TMPRSS6: variants seen among roughly 807,000 people sequenced by gnomAD.
TMPRSS6 encodes transmembrane protease serine 6.
A neutral mutation model predicts 101.5 loss-of-function variants in TMPRSS6; 67 were observed. That is an observed-to-expected ratio of 0.66 (90% CI 0.54 to 0.81). The LOEUF (loss-of-function observed/expected upper bound fraction) is 0.81. Ranked by LOEUF, TMPRSS6 falls within the 30% of genes least tolerant of loss-of-function variation. The pLI is 0.00. For synonymous variants in TMPRSS6, 453 were observed against 464.9 expected, an observed-to-expected ratio of 0.97 and a Z score of 0.33; for missense variants, 1,034 against 1,088.7, an observed-to-expected ratio of 0.95 and a Z score of 0.71.
At position 37,096,670 on chromosome 22, in the gene TMPRSS6, A is replaced by T; in HGVS notation, c.382T>A (p.Ser128Thr). ...CACCCAAAGGAATAGACGGAGCTGG[A>T]GTTGTAGTAAGTTCCCAGGCGGGTG... ...TSTRLGTYYN[S>T]SSVYSFGEGP... is the part of the protein sequence containing the mutation. The change falls in exon 4 of 18, where the codon TCC becomes ACC. Residue 128 changes from serine (S) to threonine (T), a missense_variant. Physicochemically the swap from Ser to Thr is moderately conservative, Grantham distance 58 (BLOSUM62 1). Transcript: ENST00000676104. The T allele has an allele frequency of 6.4e-7, 1 of 1,566,350 alleles. No individual in the cohort carries two copies. The highest frequency in any genetic ancestry group is 1.2e-5 in the South Asian group (1 of 84,860).
At chr22:37,095,805 A>G in intron 5 of TMPRSS6, 101 bp downstream of exon 5, 1 of 1,490,484 alleles carries the variant, frequency 6.7e-7, no homozygotes, top group Non-Finnish European at 9.3e-7. Flanking sequence ...GCCCACCCTG[A>G]CAGCACCCCA....
chr22:37,094,182 G>C (rs1249512831), intron 6 of TMPRSS6, among the ~76,000 whole-genome samples: 1 of 152,024 alleles, frequency 6.6e-6, no homozygotes, highest in East Asian at 1.9e-4. Flanking sequence ...ACTTACTATT[G>C]GTTGTAGATT....
chr22:37,105,029 T>C (rs539379520), intron 1 of TMPRSS6, among the ~76,000 whole-genome samples: 1 of 152,048 alleles, frequency 6.6e-6, no homozygotes, highest in Admixed American at 6.5e-5. Context: ...CTTTGGGCTG[T>C]ATCTTGGGAT....
intron 10 of TMPRSS6, among the ~76,000 whole-genome samples, chr22:37,078,973 A>AAAAGAAAAAG (rs1555888511): frequency 1.9e-5 from 2 of 106,590 alleles, no homozygotes; most frequent in Admixed American, 9.8e-5. Context: ...GAAAGAAAGA[A>AAAAGAAAAAG]AAAGAAAGAA....
At chr22:37,067,513 T>G (rs1568993927) in intron 16 of TMPRSS6, among the ~76,000 whole-genome samples, 1 of 151,940 alleles carries the variant, frequency 6.6e-6, no homozygotes, top group Non-Finnish European at 1.5e-5. Flanking sequence ...TGTGGATGAG[T>G]GTCTTCCTCC....
chr22:37,084,779 G>A lies in TMPRSS6; in HGVS notation c.1034C>T (p.Pro345Leu), dbSNP rs762921295. 3.8e-6 allele frequency: 6 copies of A among 1,566,536 alleles called. No homozygotes were observed. Among genetic ancestry groups the A allele is most frequent in the Admixed American group, 1.9e-5 (1 of 52,654 alleles). ...RLDSQGVLST[P>L]YFPSYYSPQT... Reference sequence around the variant, plus strand: ...GGGCGAGTAGTAGCTGGGGAAGTACGGGGTGCTGAGGACGCCCTGGGAGTC... The same window carrying A: ...GGGCGAGTAGTAGCTGGGGAAGTACAGGGTGCTGAGGACGCCCTGGGAGTC... The change falls in exon 9 of 18, where the codon CCG becomes CTG. Residue 345 changes from proline to leucine, a missense_variant. Transcript: ENST00000676104.
rs375547572 is a variant in TMPRSS6 at position 37,089,531 on chromosome 22, A to G, written c.836+47T>C. 60 of 1,528,044 alleles carry G rather than the reference A, an allele frequency of 3.9e-5. No individual in the cohort carries two copies. The African/African-American group carries it at 8.0e-4, about 20-fold the overall frequency. 94.7% of individuals were successfully genotyped at this position (1,528,044 alleles called of 1,614,324 possible). On this transcript the variant is annotated intron_variant, in intron 7 of 17. Coordinates refer to ENST00000676104, the MANE Select transcript of TMPRSS6 (RefSeq NM_001374504.1). ...GTGACTTTCAACTCCCCCATCAACC[A>G]CTCCCTTTTCCAGCCCTCCCTCCTG...
At chr22:37,094,329 A>T (rs1336868146) in intron 6 of TMPRSS6, among the ~76,000 whole-genome samples, 1 of 152,146 alleles carries the variant, frequency 6.6e-6, no homozygotes, top group Non-Finnish European at 1.5e-5. Context: ...CCAGGTTTGT[A>T]TCTAACTTGG....
upstream of TMPRSS6, among the ~76,000 whole-genome samples, chr22:37,110,463 G>A (rs1161228927): frequency 6.6e-6 from 1 of 152,076 alleles, no homozygotes; most frequent in African/African-American, 2.4e-5. Context: ...ACCTGGTTCC[G>A]TAGCGCTGTG....
chr22:37,097,841 G>C (rs1391049956), intron 3 of TMPRSS6, among the ~76,000 whole-genome samples: 4 of 129,632 alleles, frequency 3.1e-5, no homozygotes, highest in Non-Finnish European at 6.8e-5. Flanking sequence ...AACGGAGGGG[G>C]AAGAGCGGGC....
intron 14 of TMPRSS6, 37 bp from the exon 15 acceptor site, chr22:37,070,689 G>C (rs1308571494): frequency 3.8e-6 from 6 of 1,598,350 alleles, no homozygotes; most frequent in East Asian, 2.2e-5. Flanking sequence ...GGACAGAGGA[G>C]GAGGGGAAGG....
chr22:37,079,355 T>C (rs1928077929), intron 10 of TMPRSS6, among the ~76,000 whole-genome samples: 1 of 152,204 alleles, frequency 6.6e-6, no homozygotes, highest in Admixed American at 6.5e-5. Flanking sequence ...ATTTCCTTCT[T>C]GCCTCATCCA....
At chr22:37,095,860 C>T (rs771332586) in intron 5 of TMPRSS6, 46 bp downstream of exon 5, 23 of 1,610,700 alleles carry the variant, frequency 1.4e-5, no homozygotes, top group Non-Finnish European at 2.0e-5. Context: ...GCTTGTTTCC[C>T]CCAACCTCAT....
Position 37,101,646 on chromosome 22 carries a change from G to C in TMPRSS6, c.202+1570C>G, listed in dbSNP as rs568836918. ...TTCAACCCTTAATCCCTCTGTGGGG[G>C]AGTTGGCTTCCCCCAGCAGAGGCTT... On this transcript the variant is annotated intron_variant, in intron 2 of 17. Transcript: ENST00000676104. The surrounding 1 kb of genome is among the most constrained non-coding windows in gnomAD (Gnocchi z 4.1). Among the ~76,000 whole-genome samples, 7 of 152,256 alleles carry C rather than the reference G, an allele frequency of 4.6e-5. No homozygotes were observed. In the East Asian group the frequency reaches 1.4e-3, roughly 29 times the overall value.
intron 8 of TMPRSS6, 98 bp downstream of exon 8, chr22:37,086,185 C>A (rs1928743892): frequency 1.3e-6 from 2 of 1,540,000 alleles, no homozygotes; most frequent in South Asian, 2.3e-5. Flanking sequence ...CCCATCCCAT[C>A]CTCAATTTGG....
intron 8 of TMPRSS6, among the ~76,000 whole-genome samples, 190 bp downstream of exon 8, chr22:37,086,093 G>C (rs1928730673): frequency 1.3e-5 from 2 of 148,686 alleles, no homozygotes; most frequent in Non-Finnish European, 3.0e-5. Context: ...GAAGAGGGGG[G>C]TGGAAGTGCA....
At chr22:37,082,667 C>T (rs1928361386) in intron 10 of TMPRSS6, 3 of 316,352 alleles carry the variant, frequency 9.5e-6, no homozygotes, top group South Asian at 7.9e-5. Context: ...ACAGCACAGG[C>T]CTGACATCAC....
intron 6 of TMPRSS6, among the ~76,000 whole-genome samples, chr22:37,091,207 A>T (rs987916226): frequency 2.6e-5 from 4 of 152,250 alleles, no homozygotes; most frequent in African/African-American, 9.6e-5. Context: ...TATCTCATTT[A>T]AACCTCGCCA....
chr22:37,076,494 CAG>C (rs1927683469), intron 10 of TMPRSS6, among the ~76,000 whole-genome samples: 1 of 152,092 alleles, frequency 6.6e-6, no homozygotes, highest in South Asian at 2.1e-4. Flanking sequence ...GGGGAATCTC[CAG>C]AGAGGCTGAG....
Sources: allele counts gnomAD v4.1 joint callset (sites outside exome capture counted in the v4.1 genomes callset), GRCh38; gene constraint gnomAD v4.1.1; non-coding constraint Gnocchi (gnomAD v3.1); transcripts MANE v1.5; gene names NCBI Gene and HGNC (gene_info 2026-07-23, HGNC 2026-07-21).